DYM: variants seen among roughly 807,000 people sequenced by gnomAD.
DYM encodes the protein dyggve-Melchior-Clausen syndrome protein.
In DYM, 78 loss-of-function variants were observed where a neutral mutation model predicts 93.1. That is an observed-to-expected ratio of 0.84 (90% CI 0.70 to 1.01). The LOEUF (loss-of-function observed/expected upper bound fraction) is 1.01. Ranked by LOEUF, DYM falls within the 50% of genes least tolerant of loss-of-function variation. DYM has a pLI of 0.00. For synonymous variants in DYM, 321 were observed against 319.7 expected (o/e 1.00, Z -0.04); for missense variants, 789 against 845.0 (o/e 0.93, Z 0.82).
intron 6 of DYM, among the ~76,000 whole-genome samples, chr18:49,360,325 A>T (rs542118126): frequency 2.5e-4 from 38 of 149,824 alleles, no homozygotes; most frequent in Non-Finnish European, 3.6e-4. Context: ...GTGTTATATA[A>T]AAAAAAAAAA....
At chr18:49,056,131 C>G (rs2075457179) in intron 17 of DYM, among the ~76,000 whole-genome samples, 1 of 152,130 alleles carries the variant, frequency 6.6e-6, no homozygotes, top group African/African-American at 2.4e-5. Flanking sequence ...CAGCTGTCAC[C>G]CTCTGCTCCC....
At chr18:49,207,014 T>G (rs1031429923) in intron 14 of DYM, among the ~76,000 whole-genome samples, 1 of 152,252 alleles carries the variant, frequency 6.6e-6, no homozygotes, top group African/African-American at 2.4e-5. Context: ...TTTCACCACA[T>G]GGTGTCTCCA....
At chr18:49,425,496 T>A (rs906820050) in intron 2 of DYM, among the ~76,000 whole-genome samples, 1 of 152,102 alleles carries the variant, frequency 6.6e-6, no homozygotes, top group African/African-American at 2.4e-5. Context: ...AAGGACTTCA[T>A]GTCTAAAACA....
intron 15 of DYM, among the ~76,000 whole-genome samples, chr18:49,121,671 C>T (rs1247064432): frequency 6.6e-6 from 1 of 151,828 alleles, no homozygotes; most frequent in Non-Finnish European, 1.5e-5. Context: ...CAGCTAAAAC[C>T]AAAACAAAAC....
At chr18:49,338,532 G>C (rs1034190644) in intron 6 of DYM, among the ~76,000 whole-genome samples, 2 of 152,120 alleles carry the variant, frequency 1.3e-5, no homozygotes, top group Non-Finnish European at 2.9e-5. Context: ...GCTGTAGTAA[G>C]AAAAACAGCA....
At position 49,037,932 on chromosome 18, in the gene DYM, C is replaced by G. The variant is rs1372996813; in HGVS notation, c.*6123G>C. Among the ~76,000 whole-genome samples, 4 of 152,170 alleles carry G rather than the reference C, an allele frequency of 2.6e-5. No homozygotes were observed. The highest frequency in any genetic ancestry group is 9.7e-5 in the African/African-American group (4 of 41,438). On this transcript the variant is annotated 3_prime_UTR_variant, in exon 18 of 18. Coordinates refer to ENST00000675505, the MANE Select transcript of DYM (RefSeq NM_001353214.3). ...CTCGACCTCCTGGGCACAAGTGATTCTCCTGCCTCAGCTTCCCAAGTAGCT... is the reference window on the plus strand; with the variant it reads ...CTCGACCTCCTGGGCACAAGTGATTGTCCTGCCTCAGCTTCCCAAGTAGCT...
chr18:49,445,005 T>A (rs1348240631), intron 1 of DYM, among the ~76,000 whole-genome samples: 1 of 152,172 alleles, frequency 6.6e-6, no homozygotes, highest in East Asian at 1.9e-4. Context: ...CCAAATGTTA[T>A]CCCCTCTCCT....
intron 3 of DYM, among the ~76,000 whole-genome samples, chr18:49,385,225 G>C (rs1439796592): frequency 6.6e-6 from 1 of 152,128 alleles, no homozygotes; most frequent in Non-Finnish European, 1.5e-5. Flanking sequence ...GGAGAGGATG[G>C]TACAGCTGCT....
At chr18:49,190,298 T>C (rs1407685619) in intron 14 of DYM, among the ~76,000 whole-genome samples, 3 of 152,264 alleles carry the variant, frequency 2.0e-5, no homozygotes, top group Non-Finnish European at 4.4e-5. Context: ...GGTTTTTCTT[T>C]TACTTTTAAC....
In DYM at chr18:49,146,202, T is replaced by C. The variant is rs1797702842; in HGVS notation, c.1728+17483A>G. On this transcript the variant is annotated intron_variant, in intron 15 of 17. Transcript: ENST00000675505. ...ACACACAAAAAACCACATTAGAAAA[T>C]AGAAAGCTATTTATGACAAACCCAC... Among the ~76,000 whole-genome samples the C allele has an allele frequency of 2.6e-5, 4 of 151,744 alleles. No homozygotes were observed. In the South Asian group the frequency reaches 6.3e-4, roughly 24 times the overall value.
intron 11 of DYM, among the ~76,000 whole-genome samples, chr18:49,265,609 T>C (rs963235502): frequency 9.2e-5 from 14 of 151,698 alleles, no homozygotes; most frequent in African/African-American, 3.1e-4. Flanking sequence ...AGAAACCCTG[T>C]CTCTACTTAA....
At chr18:49,342,896 T>C (rs2064276100) in intron 6 of DYM, among the ~76,000 whole-genome samples, 1 of 152,182 alleles carries the variant, frequency 6.6e-6, no homozygotes, top group Non-Finnish European at 1.5e-5. Context: ...CTCTATGATG[T>C]TTGCACAATG....
chr18:49,313,407 T>C (rs887934497), intron 8 of DYM, among the ~76,000 whole-genome samples: 1 of 126,198 alleles, frequency 7.9e-6, no homozygotes, highest in African/African-American at 3.0e-5. Context: ...AGGTTCCAGT[T>C]AGCCAAGGTC....
At chr18:49,374,881 C>T (rs1214223849) in intron 5 of DYM, among the ~76,000 whole-genome samples, 2 of 151,964 alleles carry the variant, frequency 1.3e-5, no homozygotes, top group Non-Finnish European at 2.9e-5. Context: ...ATCACCTGAA[C>T]CCAGGAGGCG....
chr18:49,287,726 T>C (rs1019216246), intron 8 of DYM, among the ~76,000 whole-genome samples: 1 of 146,788 alleles, frequency 6.8e-6, no homozygotes, highest in Non-Finnish European at 1.5e-5. Context: ...GCACCTGTAA[T>C]CCCAGCTACT....
intron 16 of DYM, among the ~76,000 whole-genome samples, chr18:49,100,321 AG>A (rs1171121479): frequency 2.0e-5 from 3 of 152,154 alleles, no homozygotes; most frequent in African/African-American, 7.2e-5. Flanking sequence ...TCAGAGTTAA[AG>A]GGAACTCACA....
chr18:49,058,989 G>A (rs915585738), intron 17 of DYM, among the ~76,000 whole-genome samples: 1 of 152,150 alleles, frequency 6.6e-6, no homozygotes. Flanking sequence ...CAATGAAAAA[G>A]CAGATTTAAG....
chr18:49,061,541 G>T (rs1465255007), intron 17 of DYM, among the ~76,000 whole-genome samples: 1 of 152,238 alleles, frequency 6.6e-6, no homozygotes, highest in Non-Finnish European at 1.5e-5. Context: ...CTGTGCCCAG[G>T]ACCTCAGCGT....
chr18:49,211,441 T>C (rs2092780241), intron 13 of DYM, among the ~76,000 whole-genome samples: 2 of 152,192 alleles, frequency 1.3e-5, no homozygotes, highest in African/African-American at 4.8e-5. Flanking sequence ...TTGGCTATTA[T>C]TAGTCCTTGA....
Sources: allele counts gnomAD v4.1 joint callset (sites outside exome capture counted in the v4.1 genomes callset), GRCh38; gene constraint gnomAD v4.1.1; transcripts MANE v1.5; gene names NCBI Gene and HGNC (gene_info 2026-07-23, HGNC 2026-07-21).